TPM3: variants seen among roughly 807,000 people sequenced by gnomAD.
TPM3 encodes the protein tropomyosin 3, also known as tropomyosin alpha-3 chain.
TPM3 carries 16 observed loss-of-function variants against 43.1 expected under a neutral mutation model. That is an observed-to-expected ratio of 0.37 (90% CI 0.25 to 0.56). The LOEUF is 0.56. TPM3 is among the 20% of genes least tolerant of loss of function. TPM3 has a pLI of 0.77. For missense variants in TPM3, 176 were observed against 337.2 expected (o/e 0.52, Z 3.74); for synonymous variants, 101 against 116.9 (o/e 0.86, Z 0.88).
downstream of TPM3, chr1:154,156,186 G>A (rs983094035): frequency 1.7e-5 from 3 of 175,230 alleles, no homozygotes; most frequent in Non-Finnish European, 3.7e-5. Context: ...AGCCGAGATC[G>A]AGCCATTACG....
chr1:154,170,266 A>T, intron 8 of TPM3, 134 bp downstream of exon 8: 2 of 942,556 alleles, frequency 2.1e-6, no homozygotes, highest in Admixed American at 1.9e-5. Context: ...GCTGTGGCAT[A>T]GGACAGTGCA....
intron 5 of TPM3, 36 bp downstream of exon 5, chr1:154,172,870 AAT>A (rs777774882): frequency 1.0e-4 from 168 of 1,612,924 alleles, no homozygotes; most frequent in Non-Finnish European, 1.3e-4. Flanking sequence ...GGAAGGGATA[AAT>A]TGGTAATGAC....
intron 2 of TPM3, among the ~76,000 whole-genome samples, chr1:154,179,154 G>A (rs769988887): frequency 1.3e-4 from 20 of 152,238 alleles, no homozygotes; most frequent in Non-Finnish European, 1.9e-4. Flanking sequence ...AGCCCTGTGA[G>A]TAAAGGACTA....
chr1:154,157,156 A>G (rs897182967), downstream of TPM3: 13 of 263,636 alleles, frequency 4.9e-5, no homozygotes, highest in African/African-American at 2.9e-4. Flanking sequence ...CCCACAGCGG[A>G]GTCTCCCTGG....
chr1:154,189,062 G>C (rs568031471), intron 2 of TPM3, among the ~76,000 whole-genome samples: 20 of 142,856 alleles, frequency 1.4e-4, no homozygotes, highest in African/African-American at 4.9e-4. Flanking sequence ...AACCCGGGAG[G>C]TGGAGGTTGC....
intron 3 of TPM3, among the ~76,000 whole-genome samples, chr1:154,174,403 T>TACACACAC (rs1397064423): frequency 2.0e-5 from 2 of 102,146 alleles, no homozygotes; most frequent in African/African-American, 9.5e-5. Flanking sequence ...TATATATATA[T>TACACACAC]ATATACACAC....
downstream of TPM3, chr1:154,155,430 C>T (rs750187625): frequency 2.8e-4 from 75 of 268,628 alleles, no homozygotes; most frequent in Admixed American, 5.3e-4. Flanking sequence ...TAGCATTGGT[C>T]CATGCCTATC....
intron 2 of TPM3, among the ~76,000 whole-genome samples, chr1:154,189,131 C>CAAAAAAA: frequency 3.5e-5 from 1 of 28,600 alleles, no homozygotes; most frequent in Non-Finnish European, 6.0e-5. Context: ...GACTCTGTCT[C>CAAAAAAA]AAAAAAAAAA....
At chr1:154,171,534 G>A (rs1163686415) in intron 5 of TPM3, 46 bp from the exon 6 acceptor site, 1 of 1,600,542 alleles carries the variant, frequency 6.2e-7, no homozygotes, top group East Asian at 2.2e-5. Flanking sequence ...GGAAAAGGAA[G>A]AGAATAAAAA....
Position 154,166,738 on chromosome 1 carries a change from G to A in TPM3, c.*1199C>T, listed in dbSNP as rs924279084. 1.5e-5 allele frequency: 15 copies of A among 973,662 alleles called. No individual in the cohort carries two copies. The African/African-American group carries it at 2.7e-4, about 17-fold the overall frequency. 60.3% of individuals were successfully genotyped at this position (973,662 alleles called of 1,614,324 possible). ...TCTCTGTTGCCCAGGCTGGAATGCAGTGGCGCGATCTCCGCTCACTGCAAC... is the reference window on the plus strand; with the variant it reads ...TCTCTGTTGCCCAGGCTGGAATGCAATGGCGCGATCTCCGCTCACTGCAAC... On this transcript the variant is annotated 3_prime_UTR_variant, in exon 10 of 10. Transcript: ENST00000651641.
chr1:154,170,414 A>G lies in TPM3; in HGVS notation c.761T>C (p.Ile254Thr), dbSNP rs761036509. The G allele has an allele frequency of 6.2e-7, 1 of 1,613,982 alleles. No individual in the cohort carries two copies. Among genetic ancestry groups the G allele is most frequent in the African/African-American group, 1.3e-5 (1 of 74,910 alleles). Residue 254 changes from isoleucine to threonine, a missense_variant, in exon 8 of 10, where the codon ATT becomes ACT. Transcript: ENST00000651641. ...ERSVAKLEKTIDDLEDELYAQ... is the reference protein window; with the variant it reads ...ERSVAKLEKTTDDLEDELYAQ... The stretch of plus-strand genomic sequence containing the variant: ...AGGTTCCATACCTTCCAGGTCATCA[A>G]TTGTCTTTTCCAGCTTGGCTACCGA...
rs1553249401 is a variant in TPM3, at chr1:154,174,407, T to TACACAC, written c.378-1212_378-1207dup. Reference sequence around the variant, plus strand: ...ATATATATATATATATATATATATATACACACAAAAATCCCATCCCAGCTT... The same window carrying TACACAC: ...ATATATATATATATATATATATATATACACACACACACAAAAATCCCATCCCAGCTT... On this transcript the variant is annotated intron_variant, in intron 3 of 9. Coordinates refer to ENST00000651641, the MANE Select transcript of TPM3 (RefSeq NM_152263.4). Among the ~76,000 whole-genome samples, 243 of 72,644 alleles carry TACACAC rather than the reference T, an allele frequency of 3.3e-3. 10 individuals are homozygous for TACACAC. Among genetic ancestry groups the TACACAC allele is most frequent in the African/African-American group, 0.011 (229 of 19,940 alleles). 47.7% of individuals were successfully genotyped at this position (72,644 alleles called of 152,430 possible). A position where few individuals can be genotyped will look rare whatever the true frequency, so the allele number is the denominator to read the frequency against.
chr1:154,161,810 G>A (rs1301697859), downstream of TPM3, among the ~76,000 whole-genome samples: 7 of 152,102 alleles, frequency 4.6e-5, no homozygotes, highest in East Asian at 1.2e-3. Flanking sequence ...TAAAGAGACA[G>A]AGAAGGAGTG....
chr1:154,183,971 T>G (rs983864482), intron 2 of TPM3, among the ~76,000 whole-genome samples: 1 of 147,604 alleles, frequency 6.8e-6, no homozygotes, highest in Admixed American at 6.9e-5. Context: ...GCGAGCCTCC[T>G]ACCTCAGCCT....
chr1:154,175,882 AG>A (rs1192895347), intron 3 of TPM3, among the ~76,000 whole-genome samples: 5 of 152,316 alleles, frequency 3.3e-5, no homozygotes, highest in Admixed American at 2.6e-4. Flanking sequence ...TGATTGACAC[AG>A]GGTCTTTCTC....
At chr1:154,169,899 G>C in intron 8 of TPM3, 1 of 240,246 alleles carries the variant, frequency 4.2e-6, no homozygotes, top group Non-Finnish European at 8.2e-6. Flanking sequence ...TGTCAGGGTG[G>C]ATGGCAGTTA....
At chr1:154,176,272 C>T (rs1370584455) in intron 2 of TPM3, 24 bp from the exon 3 acceptor site, 6 of 1,613,898 alleles carry the variant, frequency 3.7e-6, no homozygotes, top group Middle Eastern at 1.6e-4. Context: ...AAAGAATGGA[C>T]AAGGGAAGCA....
intron 2 of TPM3, among the ~76,000 whole-genome samples, chr1:154,179,798 G>A (rs1662748428): frequency 6.6e-6 from 1 of 151,956 alleles, no homozygotes; most frequent in African/African-American, 2.4e-5. Context: ...TCCACAGGTG[G>A]ACCTCAGATC....
intron 2 of TPM3, chr1:154,187,168 C>T: frequency 7.0e-6 from 2 of 284,578 alleles, no homozygotes; most frequent in Non-Finnish European, 1.1e-5. Flanking sequence ...CTTCTTTGAC[C>T]CTTTGAGGCA....
Sources: gnomAD v4.1 joint callset for allele counts (sites outside exome capture counted in the v4.1 genomes callset) on GRCh38, gnomAD v4.1.1 for gene constraint, MANE v1.5 for transcripts, NCBI Gene and HGNC (gene_info 2026-07-23, HGNC 2026-07-21) for gene names.